WIPF1: variants seen among roughly 807,000 people sequenced by gnomAD.
WIPF1 encodes WAS/WASL interacting protein family member 1, also known as WAS/WASL-interacting protein family member 1.
A neutral mutation model predicts 35.4 loss-of-function variants in WIPF1; 13 were observed. The observed-to-expected ratio is 0.37, with a 90% CI of 0.24 to 0.58. The LOEUF is 0.58. Ranked by LOEUF, WIPF1 falls within the 20% of genes least tolerant of loss-of-function variation. The pLI is 0.74. For synonymous variants in WIPF1, 267 were observed against 266.3 expected, an observed-to-expected ratio of 1.00 and a Z score of -0.02; for missense variants, 591 against 667.0, an observed-to-expected ratio of 0.89 and a Z score of 1.25.
chr2:174,657,144 G>T (rs944312054), intron 1 of WIPF1, among the ~76,000 whole-genome samples: 1 of 152,208 alleles, frequency 6.6e-6, no homozygotes, highest in Non-Finnish European at 1.5e-5. Flanking sequence ...ATCTTGGATT[G>T]CTACTTCTAA....
Position 174,572,225 on chromosome 2 carries a change from T to C in WIPF1, c.580A>G (p.Ile194Val), listed in dbSNP as rs1307051230. The C allele has an allele frequency of 1.2e-6, 2 of 1,614,072 alleles. No individual in the cohort carries two copies. The highest frequency in any genetic ancestry group is 2.2e-5 in the South Asian group (2 of 91,082). Residue 194 changes from isoleucine (I) to valine (V), a missense_variant, in exon 5 of 8, where the codon ATT (isoleucine) becomes GTT (valine). Coordinates refer to ENST00000679041, the MANE Select transcript of WIPF1 (RefSeq NM_001375834.1). ...PPPVPSTPRPIQSSPHNRGSP... is the reference protein window; with the variant it reads ...PPPVPSTPRPVQSSPHNRGSP... ...CCCCGGTTGTGCGGACTTGATTGAA[T>C]GGGTCTTGGAGTACTAGGTACTGGA...
intron 1 of WIPF1, among the ~76,000 whole-genome samples, chr2:174,619,871 C>T (rs141407709): frequency 1.3e-4 from 20 of 151,574 alleles, no homozygotes; most frequent in South Asian, 6.3e-4. Context: ...GAGCCCAGGA[C>T]GTCGACGTTG....
chr2:174,607,235 C>G (rs1021849584), intron 1 of WIPF1, among the ~76,000 whole-genome samples: 2 of 152,016 alleles, frequency 1.3e-5, no homozygotes, highest in African/African-American at 4.8e-5. Context: ...AACCCCGTCT[C>G]TATTAAAAAT....
At chr2:174,591,703 C>T (rs1685616864) in intron 1 of WIPF1, among the ~76,000 whole-genome samples, 1 of 151,810 alleles carries the variant, frequency 6.6e-6, no homozygotes, top group Admixed American at 6.6e-5. Context: ...CACACACACA[C>T]ACCACCCCAA....
At chr2:174,636,270 A>AT (rs1186118988) in intron 1 of WIPF1, among the ~76,000 whole-genome samples, 5 of 152,200 alleles carry the variant, frequency 3.3e-5, no homozygotes, top group Non-Finnish European at 7.3e-5. Flanking sequence ...TCTGTGTGGA[A>AT]TTTTTAAAGG....
rs1191282186 is a variant in WIPF1, at chr2:174,676,270, A to G, written c.-39+6504T>C. The G allele has an allele frequency of 1.1e-4, 15 of 141,318 alleles. No homozygotes were observed. The Admixed American group carries it at 1.1e-3, about 10-fold the overall frequency. The allele number at this position is 141,318 out of a possible 1,614,324, so 8.8% of individuals were successfully genotyped here. On this transcript the variant is annotated intron_variant, in intron 1 of 8. Transcript: ENST00000272746. ...GTACATATTTATAGGATACAGTGTG[A>G]TATCCCTCCCTCCCTCCCTCCCTTC...
intron 1 of WIPF1, among the ~76,000 whole-genome samples, chr2:174,623,944 GTGGA>G (rs1420143998): frequency 6.6e-6 from 1 of 152,088 alleles, no homozygotes; most frequent in Non-Finnish European, 1.5e-5. Flanking sequence ...CTGGTGCTTT[GTGGA>G]TGGGCACAGG....
At chr2:174,634,902 G>A (rs550508876) in intron 1 of WIPF1, among the ~76,000 whole-genome samples, 1 of 152,316 alleles carries the variant, frequency 6.6e-6, no homozygotes, top group Non-Finnish European at 1.5e-5. Context: ...CAGCTGAGAA[G>A]GGGCAGAGCG....
At chr2:174,650,420 T>C (rs914066028) in intron 1 of WIPF1, among the ~76,000 whole-genome samples, 1 of 152,214 alleles carries the variant, frequency 6.6e-6, no homozygotes, top group African/African-American at 2.4e-5. Flanking sequence ...CTTCAAAATT[T>C]TTAAATGCTG....
chr2:174,639,595 T>C (rs1158753332), intron 1 of WIPF1, among the ~76,000 whole-genome samples: 1 of 152,186 alleles, frequency 6.6e-6, no homozygotes, highest in Non-Finnish European at 1.5e-5. Flanking sequence ...ATTAGTTCCT[T>C]ATATAGCCTG....
chr2:174,670,341 G>T (rs894782663), intron 1 of WIPF1, among the ~76,000 whole-genome samples: 3 of 152,278 alleles, frequency 2.0e-5, no homozygotes, highest in Non-Finnish European at 4.4e-5. Flanking sequence ...AGAGCTGACA[G>T]GGAGCACAGG....
chr2:174,645,010 T>C (rs1687374860), intron 1 of WIPF1, among the ~76,000 whole-genome samples: 1 of 152,200 alleles, frequency 6.6e-6, no homozygotes, highest in East Asian at 1.9e-4. Context: ...CTTATTTGAT[T>C]TTTCATAGAG....
chr2:174,672,650 T>C lies in WIPF1; in HGVS notation c.-39+10124A>G, dbSNP rs557340462. Among the ~76,000 whole-genome samples the C allele has an allele frequency of 2.6e-5, 4 of 152,332 alleles. No individual in the cohort carries two copies. The South Asian group carries it at 6.2e-4, about 24-fold the overall frequency. ...GGCCTCTGAATGACAAGTTACAACG[T>C]TGATTGCATTGTTAGGATGGACCTT... On this transcript the variant is annotated intron_variant, in intron 1 of 8. Transcript: ENST00000272746.
chr2:174,632,741 T>C (rs114551365), intron 1 of WIPF1, among the ~76,000 whole-genome samples: 3 of 129,422 alleles, frequency 2.3e-5, no homozygotes, highest in Non-Finnish European at 4.9e-5. Context: ...AAAAAAGACA[T>C]CAGGCCCATC....
chr2:174,626,377 A>C (rs530050392), intron 1 of WIPF1, among the ~76,000 whole-genome samples: 1 of 152,318 alleles, frequency 6.6e-6, no homozygotes, highest in South Asian at 2.1e-4. Context: ...TTTAGAAGCT[A>C]CAGATGAATT....
At chr2:174,652,962 C>T (rs892834588) in intron 1 of WIPF1, among the ~76,000 whole-genome samples, 1 of 152,222 alleles carries the variant, frequency 6.6e-6, no homozygotes, top group South Asian at 2.1e-4. Flanking sequence ...CTGTTTTCCA[C>T]TCCTCTATGA....
chr2:174,643,040 G>C (rs536944887), intron 1 of WIPF1, among the ~76,000 whole-genome samples: 1 of 149,484 alleles, frequency 6.7e-6, no homozygotes, highest in South Asian at 2.1e-4. Context: ...GGATTATTTA[G>C]AAGGATCATA....
chr2:174,564,705 G>C (rs1032470992), intron 7 of WIPF1, among the ~76,000 whole-genome samples: 1 of 151,868 alleles, frequency 6.6e-6, no homozygotes, highest in Non-Finnish European at 1.5e-5. Flanking sequence ...TAATAAGTTA[G>C]GAAAAATATT....
intron 1 of WIPF1, among the ~76,000 whole-genome samples, chr2:174,640,203 C>A (rs1418672845): frequency 6.6e-6 from 1 of 151,172 alleles, no homozygotes; most frequent in Non-Finnish European, 1.5e-5. Context: ...AAAAGAGATA[C>A]CTAACAATGA....
Sources: allele counts gnomAD v4.1 joint callset (sites outside exome capture counted in the v4.1 genomes callset), GRCh38; gene constraint gnomAD v4.1.1; transcripts MANE v1.5; gene names NCBI Gene and HGNC (gene_info 2026-07-23, HGNC 2026-07-21).